Variants in KIF26B observed in about 807,000 individuals in gnomAD.
KIF26B encodes kinesin family member 26B.
A neutral mutation model predicts 151.2 loss-of-function variants in KIF26B; 63 were observed. That is an observed-to-expected ratio of 0.42 (90% CI 0.34 to 0.51). KIF26B has a LOEUF of 0.51. KIF26B is among the 20% of genes least tolerant of loss of function. The pLI is 0.07. For synonymous variants in KIF26B, 1,357 were observed against 1,262.1 expected, an observed-to-expected ratio of 1.08 and a Z score of -1.59; for missense variants, 2,813 against 2,913.6, an observed-to-expected ratio of 0.97 and a Z score of 0.79.
At chr1:245,238,340 A>G (rs918031423) in intron 2 of KIF26B, among the ~76,000 whole-genome samples, 19 of 152,138 alleles carry the variant, frequency 1.2e-4, no homozygotes, top group Non-Finnish European at 2.6e-4. Flanking sequence ...TCATCTAAAA[A>G]AAAGAATATT....
At chr1:245,472,220 T>C (rs574732649) in intron 4 of KIF26B, among the ~76,000 whole-genome samples, 2 of 152,346 alleles carry the variant, frequency 1.3e-5, no homozygotes, top group South Asian at 4.1e-4. Context: ...TCTCCACTTA[T>C]GTGAGACGTA....
intron 5 of KIF26B, among the ~76,000 whole-genome samples, chr1:245,548,261 A>G (rs1043410202): frequency 4.6e-5 from 7 of 151,488 alleles, no homozygotes; most frequent in Admixed American, 3.3e-4. Context: ...AGTGCTAGAA[A>G]GGATACACAA....
intron 4 of KIF26B, among the ~76,000 whole-genome samples, chr1:245,422,665 A>G (rs1287874169): frequency 6.6e-6 from 1 of 152,206 alleles, no homozygotes; most frequent in Non-Finnish European, 1.5e-5. Context: ...GGGCAGAGTC[A>G]GCTCCTACAC....
intron 9 of KIF26B, among the ~76,000 whole-genome samples, chr1:245,622,063 T>G: frequency 6.6e-6 from 1 of 152,114 alleles, no homozygotes; most frequent in East Asian, 1.9e-4. Context: ...GTGGTGCATG[T>G]GGAATATCTG....
At chr1:245,646,649 G>T (rs2043950919) in intron 10 of KIF26B, among the ~76,000 whole-genome samples, 1 of 151,972 alleles carries the variant, frequency 6.6e-6, no homozygotes. Context: ...TTAGGGGTAG[G>T]GCCACCAGAC....
chr1:245,523,317 C>T (rs1312545574), intron 4 of KIF26B, among the ~76,000 whole-genome samples: 2 of 152,184 alleles, frequency 1.3e-5, no homozygotes, highest in South Asian at 2.1e-4. Context: ...TCTCCAATCA[C>T]ATTTCATTTT....
intron 3 of KIF26B, among the ~76,000 whole-genome samples, chr1:245,418,888 C>T (rs943361169): frequency 2.6e-5 from 4 of 152,038 alleles, no homozygotes; most frequent in African/African-American, 7.2e-5. Context: ...CAAAATGGAC[C>T]GAGCTCCATC....
At chr1:245,312,987 C>T (rs957972567) in intron 2 of KIF26B, among the ~76,000 whole-genome samples, 3 of 151,862 alleles carry the variant, frequency 2.0e-5, no homozygotes, top group African/African-American at 4.8e-5. Flanking sequence ...TGGTGAGACC[C>T]GTCTCTACTA....
chr1:245,680,319 T>G (rs976144177), intron 10 of KIF26B, among the ~76,000 whole-genome samples: 2 of 152,196 alleles, frequency 1.3e-5, no homozygotes, highest in African/African-American at 4.8e-5. Flanking sequence ...GAGGCCCACA[T>G]GAAGGGCTCA....
intron 2 of KIF26B, among the ~76,000 whole-genome samples, chr1:245,357,525 A>T (rs556850432): frequency 1.2e-4 from 19 of 152,292 alleles, no homozygotes; most frequent in African/African-American, 4.6e-4. Context: ...AGTGTGATAC[A>T]TAATTCACCA....
At chr1:245,292,524 T>C (rs1573756975) in intron 2 of KIF26B, among the ~76,000 whole-genome samples, 2 of 152,310 alleles carry the variant, frequency 1.3e-5, no homozygotes, top group Admixed American at 1.3e-4. Context: ...CACCTGCCTC[T>C]ACTTCCCCCT....
At chr1:245,558,919 C>T (rs1662101542) in intron 5 of KIF26B, among the ~76,000 whole-genome samples, 1 of 152,190 alleles carries the variant, frequency 6.6e-6, no homozygotes, top group South Asian at 2.1e-4. Context: ...ACAGGAGATG[C>T]TCTCAAATCC....
intron 4 of KIF26B, among the ~76,000 whole-genome samples, chr1:245,476,307 G>A (rs780297745): frequency 6.6e-5 from 10 of 151,746 alleles, no homozygotes; most frequent in East Asian, 3.8e-4. Flanking sequence ...AAGATATTCC[G>A]TGTTCCATGA....
chr1:245,434,039 G>T (rs954365601), intron 4 of KIF26B, among the ~76,000 whole-genome samples: 1 of 152,018 alleles, frequency 6.6e-6, no homozygotes, highest in Non-Finnish European at 1.5e-5. Context: ...TTTCTTTCCA[G>T]TCTTTTTGGT....
intron 2 of KIF26B, among the ~76,000 whole-genome samples, chr1:245,223,372 A>T (rs1669810425): frequency 1.3e-5 from 2 of 152,220 alleles, no homozygotes; most frequent in Non-Finnish European, 2.9e-5. Context: ...ATGTACATGC[A>T]ATGAAATGCA....
intron 12 of KIF26B, 147 bp from the exon 13 acceptor site, chr1:245,697,959 T>C: frequency 1.5e-6 from 1 of 685,894 alleles, no homozygotes; most frequent in Non-Finnish European, 2.4e-6. Flanking sequence ...GAGAATTGCT[T>C]GAGCCCAGGA....
rs56334344 is a variant in KIF26B, at chr1:245,243,447, T to TACAC, written c.465+86786_465+86789dup. 8.2e-3 allele frequency among the ~76,000 whole-genome samples: 1,204 copies of TACAC among 147,356 alleles called. 14 individuals carry two copies. The highest frequency in any genetic ancestry group is 0.027 in the African/African-American group (1,091 of 39,682). On this transcript the variant is annotated intron_variant, in intron 2 of 14. Coordinates refer to ENST00000407071, the MANE Select transcript of KIF26B (RefSeq NM_018012.4). ...ATATATATACATACATATATATATA[T>TACAC]ACACACACACACACACACACACACA...
chr1:245,406,045 C>T lies in KIF26B; in HGVS notation c.1000-13534C>T, dbSNP rs139548619. ...CACAAAGGCCACTCAAAGGTTAAGTCGGGGCATTTTTTAGAGATGTAATGG... is the reference window on the plus strand; with the variant it reads ...CACAAAGGCCACTCAAAGGTTAAGTTGGGGCATTTTTTAGAGATGTAATGG... On this transcript the variant is annotated intron_variant, in intron 3 of 14. Coordinates refer to ENST00000407071, the MANE Select transcript of KIF26B (RefSeq NM_018012.4). Among the ~76,000 whole-genome samples, 304 of 152,210 alleles carry T rather than the reference C, an allele frequency of 2.0e-3. 2 individuals carry two copies. Among genetic ancestry groups the T allele is most frequent in the Middle Eastern group, 6.8e-3 (2 of 294 alleles).
chr1:245,623,135 A>G lies in KIF26B; in HGVS notation c.2098+11159A>G, dbSNP rs141590451. Among the ~76,000 whole-genome samples, 31 of 148,558 alleles carry G rather than the reference A, an allele frequency of 2.1e-4. No homozygotes were observed. In the East Asian group the frequency reaches 5.4e-3, roughly 26 times the overall value. ...AAATCATATAACTTGATGTTTTATC[A>G]TATGTATATGCCTATGAAACCGTCC... On this transcript the variant is annotated intron_variant, in intron 9 of 14. Coordinates refer to ENST00000407071, the MANE Select transcript of KIF26B (RefSeq NM_018012.4).
Sources: gnomAD v4.1 joint callset for allele counts (sites outside exome capture counted in the v4.1 genomes callset) on GRCh38, gnomAD v4.1.1 for gene constraint, MANE v1.5 for transcripts, NCBI Gene and HGNC (gene_info 2026-07-23, HGNC 2026-07-21) for gene names.